LRRTM4: variants seen among roughly 807,000 people sequenced by gnomAD.
The protein encoded by LRRTM4 is leucine-rich repeat transmembrane neuronal protein 4.
In LRRTM4, 25 loss-of-function variants were observed where a neutral mutation model predicts 47.6. The ratio of observed to expected loss-of-function variants is 0.53; its 90% CI spans 0.38 to 0.73. The LOEUF is 0.73. Among genes scored for constraint, LRRTM4 ranks in the 30% least tolerant of loss-of-function variants. The pLI, the probability that LRRTM4 is intolerant of heterozygous loss-of-function variation, is 0.00. For synonymous variants in LRRTM4, 311 were observed against 269.5 expected, an observed-to-expected ratio of 1.15 and a Z score of -1.51; for missense variants, 638 against 713.4, an observed-to-expected ratio of 0.89 and a Z score of 1.20.
chr2:77,321,269 A>G (rs1461045026), intron 3 of LRRTM4, among the ~76,000 whole-genome samples: 1 of 152,142 alleles, frequency 6.6e-6, no homozygotes, highest in Non-Finnish European at 1.5e-5. Flanking sequence ...CTAGAGAAAC[A>G]GAAGGTGGAT....
chr2:77,433,980 G>A (rs1675487904), intron 3 of LRRTM4, among the ~76,000 whole-genome samples: 1 of 152,172 alleles, frequency 6.6e-6, no homozygotes, highest in African/African-American at 2.4e-5. Flanking sequence ...TATGGGATTT[G>A]AGAGCAGAGG....
chr2:77,327,960 G>A (rs573241223), intron 3 of LRRTM4, among the ~76,000 whole-genome samples: 7 of 152,160 alleles, frequency 4.6e-5, no homozygotes, highest in South Asian at 4.1e-4. Flanking sequence ...AGACAACAAC[G>A]GACAAGAAAC....
chr2:77,134,830 A>T (rs1257236430), intron 3 of LRRTM4, among the ~76,000 whole-genome samples: 1 of 152,182 alleles, frequency 6.6e-6, no homozygotes, highest in East Asian at 1.9e-4. Context: ...TCACAAAGTA[A>T]ATTAAAAAGA....
In LRRTM4 at chr2:77,038,894, G is replaced by T. The variant is rs935603768; in HGVS notation, c.1552-289978C>A. On this transcript the variant is annotated intron_variant, in intron 3 of 3. Transcript: ENST00000409884. ...CAGACAAAAAATGTATGAGTTTAGAGACCAAATTACACTTGTGGCATTGCT... is the reference window on the plus strand; with the variant it reads ...CAGACAAAAAATGTATGAGTTTAGATACCAAATTACACTTGTGGCATTGCT... Among the ~76,000 whole-genome samples, 6 of 151,262 alleles carry T rather than the reference G, an allele frequency of 4.0e-5. No homozygotes were observed. In the Admixed American group the frequency reaches 4.0e-4, roughly 10 times the overall value.
At chr2:77,295,753 A>C (rs2104144582) in intron 3 of LRRTM4, among the ~76,000 whole-genome samples, 1 of 152,074 alleles carries the variant, frequency 6.6e-6, no homozygotes, top group South Asian at 2.1e-4. Flanking sequence ...TTTCTTCTCT[A>C]TTTGTTGTAT....
intron 3 of LRRTM4, among the ~76,000 whole-genome samples, chr2:77,482,842 G>A (rs1414368715): frequency 6.6e-6 from 1 of 151,640 alleles, no homozygotes; most frequent in Non-Finnish European, 1.5e-5. Context: ...CAACTTATTG[G>A]CCAGGCGTGG....
At chr2:76,858,957 T>C (rs1453399433) in intron 3 of LRRTM4, among the ~76,000 whole-genome samples, 3 of 152,182 alleles carry the variant, frequency 2.0e-5, no homozygotes, top group African/African-American at 7.2e-5. Context: ...GATGGGCAGT[T>C]TGCAGCTCTT....
intron 3 of LRRTM4, among the ~76,000 whole-genome samples, chr2:77,148,372 A>G (rs1672316108): frequency 6.6e-6 from 1 of 152,148 alleles, no homozygotes; most frequent in South Asian, 2.1e-4. Context: ...GGGGACTTTC[A>G]TTTAACTGCT....
intron 3 of LRRTM4, among the ~76,000 whole-genome samples, chr2:77,055,753 T>C (rs1475370687): frequency 4.1e-4 from 63 of 151,902 alleles, no homozygotes; most frequent in African/African-American, 1.4e-3. Flanking sequence ...ATGTTTATTG[T>C]GGCACTATTC....
intron 3 of LRRTM4, among the ~76,000 whole-genome samples, chr2:76,959,671 AC>A (rs1303074735): frequency 6.6e-6 from 1 of 151,698 alleles, no homozygotes; most frequent in Non-Finnish European, 1.5e-5. Context: ...AAATAAGGTA[AC>A]TTAAGCATGT....
chr2:77,522,187 A>G lies in LRRTM4; in HGVS notation c.-226T>C. 1.4e-6 allele frequency: 1 copy of G among 712,922 alleles called. No individual in the cohort carries two copies. The highest frequency in any genetic ancestry group is 2.0e-5 in the Admixed American group (1 of 49,710). 44.2% of individuals were successfully genotyped at this position (712,922 alleles called of 1,614,324 possible). A position where few individuals can be genotyped will look rare whatever the true frequency, so the allele number is the denominator to read the frequency against. On this transcript the variant is annotated 5_prime_UTR_variant, in exon 1 of 4. Coordinates refer to ENST00000409884, the MANE Select transcript of LRRTM4 (RefSeq NM_001134745.3). ...CTCTGGATTTTCAGTTCTTGAAGCA[A>G]GTAGGCCTCCTGTGCTGTATGAGAC...
intron 3 of LRRTM4, among the ~76,000 whole-genome samples, chr2:77,088,364 AAAG>A (rs1325017485): frequency 6.6e-6 from 1 of 152,126 alleles, no homozygotes; most frequent in Non-Finnish European, 1.5e-5. Flanking sequence ...TTCCACCACA[AAAG>A]AAGTGTAAAT....
At chr2:77,409,217 CT>C (rs199999252) in intron 3 of LRRTM4, among the ~76,000 whole-genome samples, 3 of 120,150 alleles carry the variant, frequency 2.5e-5, no homozygotes, top group Admixed American at 8.0e-5. Flanking sequence ...AGTTGGAAGT[CT>C]TTTTTTTTGT....
intron 3 of LRRTM4, among the ~76,000 whole-genome samples, chr2:77,386,574 A>C (rs1324196299): frequency 6.6e-6 from 1 of 152,134 alleles, no homozygotes; most frequent in Non-Finnish European, 1.5e-5. Context: ...ATAAACATAC[A>C]TGTGCATGTG....
At chr2:76,954,647 C>A (rs59221356) in intron 3 of LRRTM4, among the ~76,000 whole-genome samples, 1 of 151,798 alleles carries the variant, frequency 6.6e-6, no homozygotes, top group South Asian at 2.1e-4. Context: ...CTAACGTGGT[C>A]TGAAATCTGG....
At chr2:77,033,908 A>C (rs1445557317) in intron 3 of LRRTM4, among the ~76,000 whole-genome samples, 1 of 151,894 alleles carries the variant, frequency 6.6e-6, no homozygotes, top group Non-Finnish European at 1.5e-5. Context: ...ATAGTTTTAT[A>C]TGTTCCTTAC....
At chr2:76,949,012 T>C (rs1367317115) in intron 3 of LRRTM4, among the ~76,000 whole-genome samples, 1 of 151,876 alleles carries the variant, frequency 6.6e-6, no homozygotes, top group East Asian at 1.9e-4. Context: ...GACTGATAGA[T>C]TTAATTCCCT....
intron 3 of LRRTM4, among the ~76,000 whole-genome samples, chr2:77,085,343 G>A (rs920900618): frequency 6.7e-6 from 1 of 148,194 alleles, no homozygotes; most frequent in Non-Finnish European, 1.5e-5. Context: ...TGTTTGAAGA[G>A]TTGAAAGAAA....
chr2:77,213,521 G>C (rs929744857), intron 3 of LRRTM4, among the ~76,000 whole-genome samples: 2 of 151,900 alleles, frequency 1.3e-5, no homozygotes, highest in African/African-American at 4.8e-5. Context: ...AGAAGTACCT[G>C]GTACACAGTA....
Sources: gnomAD v4.1 joint callset for allele counts (sites outside exome capture counted in the v4.1 genomes callset) on GRCh38, gnomAD v4.1.1 for gene constraint, MANE v1.5 for transcripts, NCBI Gene and HGNC (gene_info 2026-07-23, HGNC 2026-07-21) for gene names.